DPP6: variants seen among roughly 807,000 people sequenced by gnomAD.
DPP6 encodes the protein A-type potassium channel modulatory protein DPP6.
In DPP6, 69 loss-of-function variants were observed where a neutral mutation model predicts 122.6. The observed-to-expected ratio is 0.56, with a 90% confidence interval of 0.46 to 0.69. The LOEUF (loss-of-function observed/expected upper bound fraction) is 0.69, where lower values mean the gene tolerates loss of function less well. DPP6 is among the 30% of genes least tolerant of loss of function. DPP6 has a pLI of 0.00. For synonymous variants in DPP6, 418 were observed against 433.1 expected, an observed-to-expected ratio of 0.97 and a Z score of 0.43; for missense variants, 928 against 1,116.9, an observed-to-expected ratio of 0.83 and a Z score of 2.41.
chr7:154,250,602 G>A (rs77511381), intron 1 of DPP6, among the ~76,000 whole-genome samples: 5,711 of 152,266 alleles, frequency 0.038, 190 homozygotes, highest in East Asian at 0.14. Flanking sequence ...AGAAAGAAAT[G>A]CTTTTCCCAA....
chr7:153,922,706 T>G (rs1170099568), intron 1 of DPP6, among the ~76,000 whole-genome samples: 1 of 152,238 alleles, frequency 6.6e-6, no homozygotes, highest in Non-Finnish European at 1.5e-5. Context: ...TTACAATCAA[T>G]AATCTCTTAG....
At chr7:154,683,457 C>A (rs1253002882) in intron 7 of DPP6, among the ~76,000 whole-genome samples, 1 of 152,202 alleles carries the variant, frequency 6.6e-6, no homozygotes, top group Non-Finnish European at 1.5e-5. Flanking sequence ...ATGAATTCTG[C>A]TTTCTTGGTA....
the DPP6 span, among the ~76,000 whole-genome samples, chr7:153,787,103 G>T: frequency 7.0e-6 from 1 of 142,004 alleles, no homozygotes; most frequent in Admixed American, 7.0e-5. Flanking sequence ...AGGTGCCCAC[G>T]ACCACGCCCG....
intron 17 of DPP6, among the ~76,000 whole-genome samples, chr7:154,856,511 G>A (rs1173251058): frequency 1.3e-5 from 2 of 152,198 alleles, no homozygotes; most frequent in African/African-American, 4.8e-5. Flanking sequence ...GGGCTGAGGT[G>A]CAATTCTTCG....
intron 1 of DPP6, among the ~76,000 whole-genome samples, chr7:154,253,414 GC>G (rs1802474488): frequency 1.3e-5 from 2 of 152,198 alleles, no homozygotes; most frequent in Admixed American, 1.3e-4. Context: ...AGCCCTTGCA[GC>G]AAGAAGGTAC....
At chr7:154,532,683 A>T (rs79775659) in intron 3 of DPP6, among the ~76,000 whole-genome samples, 7,511 of 152,132 alleles carry the variant, frequency 0.049, 325 homozygotes, top group African/African-American at 0.12. Flanking sequence ...ATAACCTGTT[A>T]TCTTACTAAA....
At chr7:154,525,271 G>A (rs1827310241) in intron 3 of DPP6, among the ~76,000 whole-genome samples, 1 of 152,306 alleles carries the variant, frequency 6.6e-6, no homozygotes, top group East Asian at 1.9e-4. Flanking sequence ...AGCCTCTTGA[G>A]TATCTGGGAC....
intron 1 of DPP6, among the ~76,000 whole-genome samples, chr7:154,343,694 C>T (rs1318632349): frequency 6.6e-6 from 1 of 152,266 alleles, no homozygotes; most frequent in Non-Finnish European, 1.5e-5. Context: ...GATTCTCCGG[C>T]CTCAGCCTCC....
Position 154,269,187 on chromosome 7 carries a change from C to T in DPP6, c.244-177027C>T, listed in dbSNP as rs193208012. Among the ~76,000 whole-genome samples the T allele has an allele frequency of 3.9e-5, 6 of 152,064 alleles. No individual in the cohort carries two copies. In the East Asian group the frequency reaches 1.2e-3, roughly 30 times the overall value. ...ATGCTGAGATAACGTAATTTTCATT[C>T]TCTATAAATGGGGAAACCGAAGATC... is the stretch of plus-strand genomic sequence containing the variant. On this transcript the variant is annotated intron_variant, in intron 1 of 25. Transcript: ENST00000377770.
At position 154,860,504 on chromosome 7, in the gene DPP6, G is replaced by C. The variant is rs555113017; in HGVS notation, c.1714+6677G>C. ...GAAAGGATGAGAGTCTGGACCAGCA[G>C]GGGGGCCTCCAATGAGGGGCTGCCT... On this transcript the variant is annotated intron_variant, in intron 17 of 25. Transcript: ENST00000377770. Among the ~76,000 whole-genome samples the C allele has an allele frequency of 1.6e-3, 238 of 152,292 alleles. 1 individual carries two copies. Among genetic ancestry groups the C allele is most frequent in the Non-Finnish European group, 1.9e-4 (13 of 68,022 alleles).
In DPP6 at chr7:154,710,855, C is replaced by T. The variant is rs113543519; in HGVS notation, c.763-16912C>T. Among the ~76,000 whole-genome samples the T allele has an allele frequency of 2.4e-3, 360 of 152,316 alleles. 3 individuals are homozygous for T. Among genetic ancestry groups the T allele is most frequent in the Middle Eastern group, 0.017 (5 of 294 alleles). ...TGTGGGCTTCAGGAGCAGTAACTTG[C>T]GTATGATCATTGCTAAACCAATGGG... On this transcript the variant is annotated intron_variant, in intron 7 of 25. Transcript: ENST00000377770.
At chr7:154,617,237 G>C (rs1221108819) in intron 5 of DPP6, among the ~76,000 whole-genome samples, 1 of 152,178 alleles carries the variant, frequency 6.6e-6, no homozygotes, top group Non-Finnish European at 1.5e-5. Context: ...AGGGAAGCAG[G>C]CTCTTTATGC....
chr7:154,039,320 G>A (rs1425738030), intron 1 of DPP6, among the ~76,000 whole-genome samples: 1 of 147,172 alleles, frequency 6.8e-6, no homozygotes, highest in African/African-American at 2.7e-5. Flanking sequence ...CAAATTAGCT[G>A]GGTTTTCTTG....
At chr7:154,411,172 G>A (rs1389615791) in intron 1 of DPP6, among the ~76,000 whole-genome samples, 1 of 152,166 alleles carries the variant, frequency 6.6e-6, no homozygotes, top group East Asian at 1.9e-4. Flanking sequence ...ACATATATTA[G>A]CATCTTTAAA....
intron 1 of DPP6, among the ~76,000 whole-genome samples, chr7:153,900,739 A>T (rs941378673): frequency 3.3e-5 from 5 of 152,168 alleles, no homozygotes; most frequent in Non-Finnish European, 4.4e-5. Flanking sequence ...TGGGGGGTGG[A>T]TAAACATCCA....
At position 154,105,487 on chromosome 7, in the gene DPP6, T is replaced by A. The variant is rs536794369; in HGVS notation, c.243+52424T>A. ...CACCAGCAGGCACCCACCACAGCCC[T>A]GTTTGAGGTCCTTTGAACTCACAGT... On this transcript the variant is annotated intron_variant, in intron 1 of 25. Transcript: ENST00000377770. Among the ~76,000 whole-genome samples the A allele has an allele frequency of 2.6e-5, 4 of 152,272 alleles. No individual in the cohort carries two copies. The East Asian group carries it at 5.8e-4, about 22-fold the overall frequency.
At position 154,755,212 on chromosome 7, in the gene DPP6, A is replaced by G. The variant is rs1399620708; in HGVS notation, c.884-14205A>G. On this transcript the variant is annotated intron_variant, in intron 8 of 25. Transcript: ENST00000377770. The surrounding 1 kb of genome is among the most constrained non-coding windows in gnomAD (Gnocchi z 4.7). Reference sequence around the variant, plus strand: ...CTGAATTTAAAACAATGTTTTGGTCAGTACCAGGACACGAATGACAGGCTG... The same window carrying G: ...CTGAATTTAAAACAATGTTTTGGTCGGTACCAGGACACGAATGACAGGCTG... Among the ~76,000 whole-genome samples the G allele has an allele frequency of 6.6e-6, 1 of 151,332 alleles. No homozygotes were observed. Among genetic ancestry groups the G allele is most frequent in the Non-Finnish European group, 1.5e-5 (1 of 67,932 alleles).
intron 1 of DPP6, among the ~76,000 whole-genome samples, chr7:154,275,625 C>G (rs1804077014): frequency 6.6e-6 from 1 of 152,206 alleles, no homozygotes; most frequent in Non-Finnish European, 1.5e-5. Flanking sequence ...AAATTCACCC[C>G]TGGTATGCCA....
Position 154,180,416 on chromosome 7 carries a change from TATATATA to T in DPP6, c.243+127368_243+127374del, listed in dbSNP as rs549472902. Among the ~76,000 whole-genome samples, 699 of 145,444 alleles carry T rather than the reference TATATATA, an allele frequency of 4.8e-3. 4 individuals are homozygous for T. Among genetic ancestry groups the T allele is most frequent in the African/African-American group, 0.016 (635 of 39,874 alleles). The stretch of plus-strand genomic sequence containing the variant: ...ATATATATGTATAAATATATATATC[TATATATA>T]ATATATAATATATATACACATTTAT... On this transcript the variant is annotated intron_variant, in intron 1 of 25. Transcript: ENST00000377770.
Sources: gnomAD v4.1 joint callset for allele counts (sites outside exome capture counted in the v4.1 genomes callset) on GRCh38, gnomAD v4.1.1 for gene constraint, Gnocchi (gnomAD v3.1) non-coding constraint, MANE v1.5 for transcripts, NCBI Gene and HGNC (gene_info 2026-07-23, HGNC 2026-07-21) for gene names.